The following B3GLCT variants were observed in gnomAD, a reference collection of about 807,000 sequenced individuals.
The protein encoded by B3GLCT is beta-1,3-glucosyltransferase.
A neutral mutation model predicts 63.4 loss-of-function variants in B3GLCT; 65 were observed. The observed-to-expected ratio is 1.03, with a 90% confidence interval of 0.84 to 1.26. The LOEUF (loss-of-function observed/expected upper bound fraction) is 1.26, where lower values mean the gene tolerates loss of function less well. Among genes scored for constraint, B3GLCT ranks in the 50% most tolerant of loss-of-function variants. B3GLCT has a pLI of 0.00. For missense variants in B3GLCT, 577 were observed against 604.8 expected (o/e 0.95, Z 0.48); for synonymous variants, 233 against 219.2 (o/e 1.06, Z -0.55).
intron 6 of B3GLCT, among the ~76,000 whole-genome samples, chr13:31,252,241 C>T (rs939632146): frequency 3.3e-5 from 5 of 152,186 alleles, no homozygotes; most frequent in Non-Finnish European, 5.9e-5. Flanking sequence ...AAAGGAACAA[C>T]CAGTACCAGC....
chr13:31,230,155 C>T lies in B3GLCT; in HGVS notation c.270+861C>T, dbSNP rs558362394. Among the ~76,000 whole-genome samples the T allele has an allele frequency of 1.5e-4, 23 of 152,166 alleles. No homozygotes were observed. The South Asian group carries it at 3.9e-3, about 26-fold the overall frequency. ...GAAGGATTATGGAGAGAAAAATCTA[C>T]GCATATAGGTACATTTTAATAACAT... On this transcript the variant is annotated intron_variant, in intron 4 of 14. Coordinates refer to ENST00000343307, the MANE Select transcript of B3GLCT (RefSeq NM_194318.4).
At chr13:31,286,877 A>T in intron 12 of B3GLCT, 58 bp downstream of exon 12, 2 of 1,202,762 alleles carry the variant, frequency 1.7e-6, no homozygotes, top group Non-Finnish European at 2.4e-6. Context: ...CATATTCAAA[A>T]AACTAGATGG....
chr13:31,327,590 T>C (rs2137954099), intron 14 of B3GLCT, among the ~76,000 whole-genome samples: 1 of 152,356 alleles, frequency 6.6e-6, no homozygotes, highest in South Asian at 2.1e-4. Flanking sequence ...ACTGTATTTC[T>C]TTCTTCTGGG....
At chr13:31,275,650 G>A (rs1285896161) in intron 9 of B3GLCT, among the ~76,000 whole-genome samples, 1 of 152,124 alleles carries the variant, frequency 6.6e-6, no homozygotes, top group East Asian at 1.9e-4. Flanking sequence ...TGAGCCTGGA[G>A]ACCCTGACAC....
At chr13:31,230,629 C>T (rs1870329439) in intron 4 of B3GLCT, among the ~76,000 whole-genome samples, 3 of 152,218 alleles carry the variant, frequency 2.0e-5, no homozygotes, top group South Asian at 2.1e-4. Flanking sequence ...CTTGAAACAT[C>T]GTACTTTCTC....
chr13:31,329,557 C>T lies in B3GLCT; in HGVS notation c.1386C>T (p.Phe462=). ...DYLSHQVPIS[F]HKHWNIDPVK... The stretch of plus-strand genomic sequence containing the variant: ...TTTCTCATCAAGTTCCCATATCGTT[C>T]CACAAACACTGGAACATCGATCCAG... Residue 462 remains phenylalanine, a synonymous_variant, in exon 15 of 15, where the codon TTC becomes TTT. Transcript: ENST00000343307. 7 of 1,614,172 alleles carry T rather than the reference C, an allele frequency of 4.3e-6. No individual in the cohort carries two copies. Among genetic ancestry groups the T allele is most frequent in the Non-Finnish European group, 5.9e-6 (7 of 1,180,016 alleles).
intron 12 of B3GLCT, among the ~76,000 whole-genome samples, chr13:31,290,347 G>A (rs1945477308): frequency 6.6e-6 from 1 of 152,092 alleles, no homozygotes; most frequent in Non-Finnish European, 1.5e-5. Flanking sequence ...TCTTTACAGT[G>A]GAATGACTTA....
chr13:31,218,842 G>A (rs931298963), intron 2 of B3GLCT, among the ~76,000 whole-genome samples: 2 of 151,986 alleles, frequency 1.3e-5, no homozygotes, highest in Non-Finnish European at 2.9e-5. Flanking sequence ...TGTCATAGAC[G>A]GCTTTTATTA....
intron 12 of B3GLCT, among the ~76,000 whole-genome samples, chr13:31,293,820 T>C (rs1197800000): frequency 6.6e-6 from 1 of 152,232 alleles, no homozygotes. Flanking sequence ...AAGGTTAATA[T>C]TGTTATGTGT....
intron 1 of B3GLCT, among the ~76,000 whole-genome samples, chr13:31,208,583 T>G (rs1869092844): frequency 9.7e-6 from 1 of 103,078 alleles, no homozygotes. Flanking sequence ...ACCCGGGTGC[T>G]CTGTCTCAGA....
At chr13:31,252,543 CA>C (rs138073761) in intron 6 of B3GLCT, among the ~76,000 whole-genome samples, 47,439 of 149,206 alleles carry the variant, frequency 0.32, 8,622 homozygotes, top group Non-Finnish European at 0.42. Flanking sequence ...AATGGAAGGC[CA>C]AAAAAAAAGC....
At chr13:31,227,455 C>T (rs1407253398) in intron 3 of B3GLCT, among the ~76,000 whole-genome samples, 1 of 152,148 alleles carries the variant, frequency 6.6e-6, no homozygotes, top group African/African-American at 2.4e-5. Context: ...GATAAGAATT[C>T]AGTTGAAACT....
Position 31,200,138 on chromosome 13 carries a change from C to A in B3GLCT, c.54C>A (p.Leu18=). The A allele has an allele frequency of 7.3e-7, 1 of 1,367,272 alleles. No individual in the cohort carries two copies. Among genetic ancestry groups the A allele is most frequent in the South Asian group, 1.4e-5 (1 of 70,314 alleles). 84.7% of individuals were successfully genotyped at this position (1,367,272 alleles called of 1,614,324 possible). A position where few individuals can be genotyped will look rare whatever the true frequency, so the allele number is the denominator to read the frequency against. ...WLLAPPALLA[L]LTCSLAFGLA... is the part of the protein sequence containing the mutation. ...TCGCGCCGCCGGCGCTGCTCGCGCT[C>A]CTCACCTGCTCCCTGGGTAAGTAGC... is the stretch of plus-strand genomic sequence containing the variant. Residue 18 remains leucine (L), a synonymous_variant, in exon 1 of 15, where the codon CTC becomes CTA. Coordinates refer to ENST00000343307, the MANE Select transcript of B3GLCT (RefSeq NM_194318.4).
Position 31,284,733 on chromosome 13 carries a change from G to A in B3GLCT, c.936G>A (p.Val312=). ...SDYTENSIPT[V]DLGIPNTDRG... ...ATACTGAAAATTCCATTCCTACTGT[G>A]GATTTGGGAATTCCTAATACAGATA... The change falls in exon 11 of 15, where the codon GTG becomes GTA. Residue 312 remains valine (V), a synonymous_variant. Coordinates refer to ENST00000343307, the MANE Select transcript of B3GLCT (RefSeq NM_194318.4). 6.3e-7 allele frequency: 1 copy of A among 1,598,180 alleles called. No homozygotes were observed. Among genetic ancestry groups the A allele is most frequent in the Non-Finnish European group, 8.6e-7 (1 of 1,165,602 alleles).
At chr13:31,228,083 GT>G (rs1241251639) in intron 3 of B3GLCT, among the ~76,000 whole-genome samples, 1 of 152,232 alleles carries the variant, frequency 6.6e-6, no homozygotes, top group African/African-American at 2.4e-5. Flanking sequence ...TTTCCTTCCT[GT>G]TCGCCGTTGT....
intron 14 of B3GLCT, among the ~76,000 whole-genome samples, chr13:31,326,597 C>A (rs759438825): frequency 6.6e-6 from 1 of 151,962 alleles, no homozygotes; most frequent in Non-Finnish European, 1.5e-5. Flanking sequence ...CTTTCTTAGG[C>A]AGTTTCAGCC....
chr13:31,263,430 C>T (rs879280321), intron 7 of B3GLCT, among the ~76,000 whole-genome samples: 12 of 152,190 alleles, frequency 7.9e-5, no homozygotes, highest in Non-Finnish European at 1.5e-4. Context: ...TTCAACCTAA[C>T]TCTTATGGCT....
chr13:31,227,623 A>G (rs1332022429), intron 3 of B3GLCT, among the ~76,000 whole-genome samples: 4 of 152,224 alleles, frequency 2.6e-5, no homozygotes, highest in South Asian at 2.1e-4. Flanking sequence ...TTCCTTTTAC[A>G]TATTTTATTT....
intron 4 of B3GLCT, among the ~76,000 whole-genome samples, chr13:31,241,611 A>G (rs1870946359): frequency 6.6e-6 from 1 of 152,204 alleles, no homozygotes; most frequent in Admixed American, 6.5e-5. Flanking sequence ...ATGAATCAGT[A>G]CAAACATGGC....
Sources: allele counts gnomAD v4.1 joint callset (sites outside exome capture counted in the v4.1 genomes callset), GRCh38; gene constraint gnomAD v4.1.1; transcripts MANE v1.5; gene names NCBI Gene and HGNC (gene_info 2026-07-23, HGNC 2026-07-21).